GPC3: variants seen among roughly 807,000 people sequenced by gnomAD.
GPC3 encodes the protein glypican-3.
GPC3 carries 3 observed loss-of-function variants against 34.4 expected under a neutral mutation model. The observed-to-expected ratio is 0.09, with a 90% CI of 0.04 to 0.23. The LOEUF (loss-of-function observed/expected upper bound fraction) is 0.23. Among genes scored for constraint, GPC3 ranks in the 10% least tolerant of loss-of-function variants. The pLI is 1.00. For synonymous variants in GPC3, 177 were observed against 174.0 expected, an observed-to-expected ratio of 1.02 and a Z score of -0.13; for missense variants, 351 against 445.6, an observed-to-expected ratio of 0.79 and a Z score of 1.91.
intron 2 of GPC3, among the ~76,000 whole-genome samples, chrX:133,785,916 C>G (rs954611545): frequency 4.5e-5 from 5 of 111,912 alleles, no homozygotes; most frequent in Admixed American, 1.9e-4. Context: ...ATGGCAGTCT[C>G]TTCAGTAATA....
At chrX:133,815,323 G>A (rs1453036666) in intron 2 of GPC3, among the ~76,000 whole-genome samples, 1 of 109,220 alleles carries the variant, frequency 9.2e-6, no homozygotes, top group African/African-American at 3.3e-5. Flanking sequence ...CCAGTTGCTG[G>A]GGAGAAATAA....
chrX:133,643,701 A>G (rs1337308163), intron 6 of GPC3, among the ~76,000 whole-genome samples: 1 of 111,470 alleles, frequency 9.0e-6, no homozygotes, highest in Non-Finnish European at 1.9e-5. Flanking sequence ...TATGATAGGT[A>G]TCTTTCTATG....
chrX:133,726,285 C>A (rs1023421638), intron 3 of GPC3, among the ~76,000 whole-genome samples: 2 of 111,667 alleles, frequency 1.8e-5, no homozygotes, highest in East Asian at 5.7e-4. Flanking sequence ...AACTCCTCTG[C>A]AAAAGGCTGC....
At position 133,614,972 on chromosome X, in the gene GPC3, G is replaced by T. The variant is rs768295793; in HGVS notation, c.1414-18373C>A. Among the ~76,000 whole-genome samples, 4 of 111,505 alleles carry T rather than the reference G, an allele frequency of 3.6e-5. No individual in the cohort carries two copies. The South Asian group carries it at 1.1e-3, about 31-fold the overall frequency. Reference sequence around the variant, plus strand: ...GACGAAATAGACAAATTCCTACAAAGACACAAACTACTAAAACTGACTCAA... The same window carrying T: ...GACGAAATAGACAAATTCCTACAAATACACAAACTACTAAAACTGACTCAA... On this transcript the variant is annotated intron_variant, in intron 6 of 7. Transcript: ENST00000370818.
chrX:133,721,048 A>T (rs1020158851), intron 3 of GPC3, among the ~76,000 whole-genome samples: 3 of 110,001 alleles, frequency 2.7e-5, no homozygotes, highest in Non-Finnish European at 5.7e-5. Flanking sequence ...AAAAATTTTT[A>T]AAAAATAATG....
chrX:133,726,910 T>C (rs2071414237), intron 3 of GPC3, among the ~76,000 whole-genome samples: 1 of 111,795 alleles, frequency 8.9e-6, no homozygotes, highest in Non-Finnish European at 1.9e-5. Flanking sequence ...CACCTGTATG[T>C]TCCTTGTATT....
chrX:133,715,855 G>A (rs2071308177), intron 3 of GPC3, among the ~76,000 whole-genome samples: 1 of 110,838 alleles, frequency 9.0e-6, no homozygotes, highest in African/African-American at 3.3e-5. Flanking sequence ...AAAGATCTGA[G>A]AAAGCCCTAT....
chrX:133,984,632 G>A (rs1019180419), intron 1 of GPC3, among the ~76,000 whole-genome samples: 4 of 111,573 alleles, frequency 3.6e-5, no homozygotes, highest in African/African-American at 1.3e-4. Context: ...CGGTTTTAAA[G>A]CGATTTCGCT....
intron 2 of GPC3, among the ~76,000 whole-genome samples, chrX:133,952,140 A>C (rs764088850): frequency 1.7e-4 from 19 of 111,054 alleles, no homozygotes; most frequent in Non-Finnish European, 3.2e-4. Flanking sequence ...CTATGGGGAT[A>C]GTTAAAAGAA....
At chrX:133,888,986 G>A (rs923457780) in intron 2 of GPC3, among the ~76,000 whole-genome samples, 1 of 112,203 alleles carries the variant, frequency 8.9e-6, no homozygotes, top group Non-Finnish European at 1.9e-5. Flanking sequence ...GGCAAGACTA[G>A]CCTATTATTA....
intron 2 of GPC3, among the ~76,000 whole-genome samples, chrX:133,799,966 A>G (rs759260784): frequency 1.8e-5 from 2 of 111,985 alleles, no homozygotes; most frequent in Non-Finnish European, 3.8e-5. Flanking sequence ...ACAAAAAGGA[A>G]CATGAATGAC....
chrX:133,982,004 C>T (rs2076542072), intron 1 of GPC3, among the ~76,000 whole-genome samples: 1 of 111,541 alleles, frequency 9.0e-6, no homozygotes, highest in Admixed American at 9.5e-5. Context: ...ACACTACCCC[C>T]CTCCCCCGAC....
chrX:133,918,819 T>C (rs1336989379), intron 2 of GPC3, among the ~76,000 whole-genome samples: 4 of 112,007 alleles, frequency 3.6e-5, no homozygotes, highest in African/African-American at 1.3e-4. Flanking sequence ...CGTTAGGACT[T>C]GAACTATCAA....
intron 3 of GPC3, among the ~76,000 whole-genome samples, chrX:133,740,778 A>AT (rs1318508906): frequency 9.0e-6 from 1 of 111,648 alleles, no homozygotes; most frequent in African/African-American, 3.3e-5. Flanking sequence ...CTTTTAAAGT[A>AT]TTTTTTAAAT....
chrX:133,775,003 T>C (rs932052797), intron 2 of GPC3, among the ~76,000 whole-genome samples: 3 of 112,083 alleles, frequency 2.7e-5, no homozygotes, highest in African/African-American at 6.5e-5. Flanking sequence ...CACTCCCTGA[T>C]TGACACATTC....
intron 7 of GPC3, among the ~76,000 whole-genome samples, chrX:133,542,586 G>A (rs759441124): frequency 8.9e-6 from 1 of 112,440 alleles, no homozygotes; most frequent in East Asian, 2.8e-4. Flanking sequence ...GCTGAGCCAA[G>A]CATGGGGGTT....
At chrX:133,839,651 C>T (rs2075814877) in intron 2 of GPC3, among the ~76,000 whole-genome samples, 1 of 110,743 alleles carries the variant, frequency 9.0e-6, no homozygotes, top group Admixed American at 9.6e-5. Context: ...TCAGAACAGG[C>T]CTGGCGTGGT....
chrX:133,762,156 A>G (rs2071798855), intron 2 of GPC3, among the ~76,000 whole-genome samples: 1 of 112,142 alleles, frequency 8.9e-6, no homozygotes, highest in Non-Finnish European at 1.9e-5. Flanking sequence ...TACCATTTCA[A>G]CAATGTTTTC....
At chrX:133,576,407 T>G (rs953349657) in intron 7 of GPC3, among the ~76,000 whole-genome samples, 26 of 110,562 alleles carry the variant, frequency 2.4e-4, no homozygotes, top group African/African-American at 8.6e-4. Context: ...CCACACTTAA[T>G]TTTTGTATTT....
Sources: allele counts gnomAD v4.1 joint callset (sites outside exome capture counted in the v4.1 genomes callset), GRCh38; gene constraint gnomAD v4.1.1; transcripts MANE v1.5; gene names NCBI Gene and HGNC (gene_info 2026-07-23, HGNC 2026-07-21).